The following SCNN1B variants were observed in gnomAD, a reference collection of about 807,000 sequenced individuals.
SCNN1B encodes epithelial sodium channel subunit beta.
In SCNN1B, 46 loss-of-function variants were observed where a neutral mutation model predicts 65.3. The observed-to-expected ratio is 0.70, with a 90% CI of 0.56 to 0.90. The LOEUF (loss-of-function observed/expected upper bound fraction) is 0.90. SCNN1B is among the 40% of genes least tolerant of loss of function. The probability of loss-of-function intolerance (pLI) is 0.00; values close to 1 mark genes in which losing one functional copy is unlikely to be tolerated. For synonymous variants in SCNN1B, 349 were observed against 330.6 expected, an observed-to-expected ratio of 1.06 and a Z score of -0.60; for missense variants, 751 against 830.5, an observed-to-expected ratio of 0.90 and a Z score of 1.18.
chr16:23,316,352 A>G (rs1361681614), intron 1 of SCNN1B, among the ~76,000 whole-genome samples: 1 of 148,288 alleles, frequency 6.7e-6, no homozygotes, highest in African/African-American at 2.5e-5. Context: ...CGCCGTCACC[A>G]TCTCCTCCAT....
upstream of SCNN1B, among the ~76,000 whole-genome samples, chr16:23,298,709 T>G (rs1961031450): frequency 1.3e-5 from 2 of 152,272 alleles, 1 homozygote; most frequent in South Asian, 4.1e-4. Context: ...TAGACCCTAA[T>G]AAAAAGGGGA....
At chr16:23,289,986 C>T (rs1960901291) in intron 2 of SCNN1B, among the ~76,000 whole-genome samples, 1 of 152,086 alleles carries the variant, frequency 6.6e-6, no homozygotes, top group South Asian at 2.1e-4. Flanking sequence ...CAATATGTAA[C>T]ATTTCAATAT....
At chr16:23,343,664 GA>G (rs1443973473) in intron 1 of SCNN1B, among the ~76,000 whole-genome samples, 6 of 141,484 alleles carry the variant, frequency 4.2e-5, no homozygotes, top group African/African-American at 1.6e-4. Flanking sequence ...AGAAAGGAAG[GA>G]AGGAAGAAAA....
In SCNN1B at chr16:23,348,039, A is replaced by G. The variant is rs1334733877; in HGVS notation, c.-8-553A>G. On this transcript the variant is annotated intron_variant, in intron 1 of 12. Transcript: ENST00000343070. The surrounding 1 kb of genome is among the most constrained non-coding windows in gnomAD (Gnocchi z 4.5). The stretch of plus-strand genomic sequence containing the variant: ...GGCCACAGGCGGGAACCCACCCTAC[A>G]CAGGACACATTCCATTGCAGAGCAC... Among the ~76,000 whole-genome samples the G allele has an allele frequency of 1.3e-5, 2 of 152,190 alleles. No homozygotes were observed. Among genetic ancestry groups the G allele is most frequent in the East Asian group, 1.9e-4 (1 of 5,192 alleles).
chr16:23,380,047 T>C lies in SCNN1B; in HGVS notation c.1467-47T>C, dbSNP rs758650065. On this transcript the variant is annotated intron_variant, in intron 11 of 12. Transcript: ENST00000343070. This position sits in a 1 kb window ranked among gnomAD's most constrained non-coding sequence, Gnocchi z 5.4. The stretch of plus-strand genomic sequence containing the variant: ...GTGCGTGTGTGTGTGTCTGTCTGTT[T>C]GGAAGGGGGATACATTAGTCCCGGC... The C allele has an allele frequency of 7.1e-7, 1 of 1,409,918 alleles. No homozygotes were observed. The highest frequency in any genetic ancestry group is 1.0e-6 in the Non-Finnish European group (1 of 994,026). The allele number at this position is 1,409,918 out of a possible 1,614,324, so 87.3% of individuals were successfully genotyped here.
intron 4 of SCNN1B, among the ~76,000 whole-genome samples, chr16:23,365,514 AAAG>A (rs1435621718): frequency 4.0e-5 from 6 of 149,854 alleles, no homozygotes; most frequent in African/African-American, 1.2e-4. Flanking sequence ...GAAAGAAAGA[AAAG>A]AAAAAGAGAG....
chr16:23,285,434 A>G (rs1432894186), intron 2 of SCNN1B, among the ~76,000 whole-genome samples: 1 of 152,120 alleles, frequency 6.6e-6, no homozygotes, highest in South Asian at 2.1e-4. Flanking sequence ...AGGCTCCCAA[A>G]GTGCTGAGAT....
intron 3 of SCNN1B, 192 bp downstream of exon 3, chr16:23,353,266 G>A (rs1962350207): frequency 3.1e-6 from 2 of 646,864 alleles, no homozygotes; most frequent in African/African-American, 1.8e-5. Context: ...TTTGGTATAA[G>A]TGATCCAGCT....
intron 11 of SCNN1B, among the ~76,000 whole-genome samples, chr16:23,379,022 A>G (rs956349736): frequency 1.4e-5 from 2 of 139,350 alleles, no homozygotes; most frequent in Admixed American, 1.4e-4. Flanking sequence ...TTCATCCTCC[A>G]TCATCCACCC....
intron 1 of SCNN1B, among the ~76,000 whole-genome samples, chr16:23,322,652 A>C (rs1292175994): frequency 1.3e-5 from 2 of 152,176 alleles, no homozygotes; most frequent in Admixed American, 6.5e-5. Context: ...AAAAAGTAAA[A>C]ATAAACAGAT....
At chr16:23,365,587 G>GAAAGAAAGAAAGAAAGAA (rs373917735) in intron 4 of SCNN1B, among the ~76,000 whole-genome samples, 2 of 86,958 alleles carry the variant, frequency 2.3e-5, no homozygotes, top group African/African-American at 6.2e-5. Flanking sequence ...AAGAAAGAAA[G>GAAAGAAAGAAAGAAAGAA]AGAAAGAAAG....
intron 1 of SCNN1B, among the ~76,000 whole-genome samples, chr16:23,279,078 T>G (rs865832577): frequency 1.0e-3 from 131 of 125,050 alleles, no homozygotes; most frequent in African/African-American, 6.0e-3. Context: ...GTGTGGGGTG[T>G]GTGTGTGTGT....
intron 2 of SCNN1B, among the ~76,000 whole-genome samples, chr16:23,295,766 A>G (rs1960988560): frequency 6.6e-6 from 1 of 152,154 alleles, no homozygotes; most frequent in Non-Finnish European, 1.5e-5. Context: ...TTAGGGTAGT[A>G]CAGTGTTAGA....
At chr16:23,283,032 G>T (rs564111034) in intron 1 of SCNN1B, among the ~76,000 whole-genome samples, 1 of 152,320 alleles carries the variant, frequency 6.6e-6, no homozygotes, top group East Asian at 1.9e-4. Context: ...TTGGGGGCTT[G>T]CCTATCCTGC....
rs199830141 is a variant in SCNN1B at position 23,333,107 on chromosome 16, AAGGGAGGG to A, written c.-8-15461_-8-15454del. Among the ~76,000 whole-genome samples, 891 of 106,860 alleles carry A rather than the reference AAGGGAGGG, an allele frequency of 8.3e-3. 32 individuals carry two copies. Among genetic ancestry groups the A allele is most frequent in the African/African-American group, 0.037 (794 of 21,368 alleles). 70.1% of individuals were successfully genotyped at this position (106,860 alleles called of 152,430 possible). On this transcript the variant is annotated intron_variant, in intron 1 of 12. Coordinates refer to ENST00000343070, the MANE Select transcript of SCNN1B (RefSeq NM_000336.3). ...AGAAGAAGAAAGGGAGGAAGGAAGG[AAGGGAGGG>A]AGGGAGGGAGGGAGGGAGGGAGGAA...
At chr16:23,278,918 C>T (rs972893434) in intron 1 of SCNN1B, among the ~76,000 whole-genome samples, 6 of 150,544 alleles carry the variant, frequency 4.0e-5, no homozygotes, top group African/African-American at 9.8e-5. Flanking sequence ...CCAGCCTGGA[C>T]GACAGAGTGA....
intron 1 of SCNN1B, among the ~76,000 whole-genome samples, chr16:23,281,277 A>G (rs1480332698): frequency 6.6e-6 from 1 of 152,186 alleles, no homozygotes; most frequent in Non-Finnish European, 1.5e-5. Context: ...TACTAAAAAT[A>G]GGAAAATGAG....
Position 23,348,478 on chromosome 16 carries a change from A to G in SCNN1B, c.-8-114A>G. The stretch of plus-strand genomic sequence containing the variant: ...AAGGGAGGGAGGGAGGGGGGAGGGT[A>G]AAGAGGGAGGAAGAACGGGGACGTA... On this transcript the variant is annotated intron_variant, in intron 1 of 12. Transcript: ENST00000343070. This position sits in a 1 kb window ranked among gnomAD's most constrained non-coding sequence, Gnocchi z 4.5. 1.2e-6 allele frequency: 1 copy of G among 846,296 alleles called. No individual in the cohort carries two copies. Among genetic ancestry groups the G allele is most frequent in the Non-Finnish European group, 1.9e-6 (1 of 537,688 alleles). 52.4% of individuals were successfully genotyped at this position (846,296 alleles called of 1,614,324 possible).
At chr16:23,281,627 T>C (rs1315213923) in intron 1 of SCNN1B, among the ~76,000 whole-genome samples, 2 of 152,190 alleles carry the variant, frequency 1.3e-5, no homozygotes, top group East Asian at 3.8e-4. Flanking sequence ...TTCTCACTTA[T>C]AAGTGGTAGC....
Sources: gnomAD v4.1 joint callset for allele counts (sites outside exome capture counted in the v4.1 genomes callset) on GRCh38, gnomAD v4.1.1 for gene constraint, Gnocchi (gnomAD v3.1) non-coding constraint, MANE v1.5 for transcripts, NCBI Gene and HGNC (gene_info 2026-07-23, HGNC 2026-07-21) for gene names.